The following ADGRB3 variants were observed in gnomAD, a reference collection of about 807,000 sequenced individuals.
ADGRB3 encodes adhesion G protein-coupled receptor B3.
In ADGRB3, 37 loss-of-function variants were observed where a neutral mutation model predicts 193.4. The observed-to-expected ratio is 0.19, with a 90% confidence interval of 0.15 to 0.25. The LOEUF (loss-of-function observed/expected upper bound fraction) is 0.25, where lower values mean the gene tolerates loss of function less well. Ranked by LOEUF, ADGRB3 falls within the 10% of genes least tolerant of loss-of-function variation. The pLI is 1.00. For synonymous variants in ADGRB3, 690 were observed against 644.2 expected, an observed-to-expected ratio of 1.07 and a Z score of -1.08; for missense variants, 1,637 against 1,852.9, an observed-to-expected ratio of 0.88 and a Z score of 2.14.
chr6:69,068,918 T>G (rs1771990720), intron 16 of ADGRB3, among the ~76,000 whole-genome samples: 1 of 152,124 alleles, frequency 6.6e-6, no homozygotes, highest in African/African-American at 2.4e-5. Context: ...GTAATTCTGC[T>G]TTAGCTAAAG....
chr6:69,005,732 C>T (rs1273986343), intron 11 of ADGRB3, among the ~76,000 whole-genome samples: 1 of 152,126 alleles, frequency 6.6e-6, no homozygotes, highest in East Asian at 1.9e-4. Context: ...CTCTGAATAC[C>T]ACTGTCAGGT....
At chr6:69,012,748 C>A (rs960794934) in intron 11 of ADGRB3, among the ~76,000 whole-genome samples, 7 of 152,064 alleles carry the variant, frequency 4.6e-5, no homozygotes, top group African/African-American at 1.7e-4. Flanking sequence ...TAGATACTAA[C>A]AGCTTCAAAC....
rs367545953 is a variant in ADGRB3, at chr6:69,361,164, C to G, written c.3891C>G (p.Val1297=). 2.3e-5 allele frequency: 37 copies of G among 1,612,590 alleles called. No homozygotes were observed. Among genetic ancestry groups the G allele is most frequent in the Middle Eastern group, 1.6e-4 (1 of 6,082 alleles). The change falls in exon 29 of 32, where the codon GTC becomes GTG. Residue 1297 remains valine, a synonymous_variant. Transcript: ENST00000370598. The part of the protein sequence containing the change: ...DNLRGADMDI[V]HPQERMMESD... Reference sequence around the variant, plus strand: ...TGAGAGGGGCTGACATGGACATAGTCCATCCTCAAGAAAGAATGATGGAAA... The same window carrying G: ...TGAGAGGGGCTGACATGGACATAGTGCATCCTCAAGAAAGAATGATGGAAA...
intron 20 of ADGRB3, among the ~76,000 whole-genome samples, chr6:69,264,786 G>GA (rs545623418): frequency 6.0e-4 from 90 of 150,058 alleles, no homozygotes; most frequent in African/African-American, 1.5e-3. Flanking sequence ...CAGTTACTGA[G>GA]AAAAAAAAAG....
At chr6:68,853,911 T>A (rs1166929140) in intron 3 of ADGRB3, among the ~76,000 whole-genome samples, 1 of 152,220 alleles carries the variant, frequency 6.6e-6, no homozygotes, top group African/African-American at 2.4e-5. Flanking sequence ...AAGGAAGCAC[T>A]AAAATCCTTA....
chr6:68,756,693 A>G (rs1214355827), intron 3 of ADGRB3, among the ~76,000 whole-genome samples: 1 of 152,060 alleles, frequency 6.6e-6, no homozygotes, highest in African/African-American at 2.4e-5. Context: ...ACAGCCTCCA[A>G]TGTTGGAGGA....
chr6:68,786,064 G>C (rs189949540), intron 3 of ADGRB3, among the ~76,000 whole-genome samples: 290 of 151,700 alleles, frequency 1.9e-3, no homozygotes, highest in Middle Eastern at 0.01. Flanking sequence ...CCCGTTGTCA[G>C]ATGAGTAGGT....
chr6:68,893,970 T>C (rs1037011834), intron 3 of ADGRB3, among the ~76,000 whole-genome samples: 2 of 151,966 alleles, frequency 1.3e-5, no homozygotes, highest in African/African-American at 2.4e-5. Context: ...GCATAGATGA[T>C]ATATGTATCA....
intron 11 of ADGRB3, among the ~76,000 whole-genome samples, chr6:69,011,795 A>G (rs1042058814): frequency 1.3e-5 from 2 of 152,096 alleles, no homozygotes; most frequent in Non-Finnish European, 2.9e-5. Flanking sequence ...TAGTCTCACC[A>G]TAAATGCTGC....
intron 17 of ADGRB3, among the ~76,000 whole-genome samples, chr6:69,170,741 A>G (rs757378820): frequency 5.9e-5 from 9 of 152,208 alleles, no homozygotes; most frequent in Non-Finnish European, 1.3e-4. Flanking sequence ...AAGGAATCAT[A>G]GTAAGTCTTT....
At chr6:68,956,303 G>GTT (rs1768069724) in intron 7 of ADGRB3, 115 bp downstream of exon 7, 1 of 355,356 alleles carries the variant, frequency 2.8e-6, no homozygotes, top group African/African-American at 3.1e-5. Flanking sequence ...ATATATATAT[G>GTT]TGTGTGTGTG....
At chr6:69,088,910 A>G (rs936867154) in intron 17 of ADGRB3, among the ~76,000 whole-genome samples, 1 of 152,238 alleles carries the variant, frequency 6.6e-6, no homozygotes, top group African/African-American at 2.4e-5. Flanking sequence ...AATTATTTTC[A>G]TAATTACTAC....
At chr6:68,790,970 A>G (rs577878361) in intron 3 of ADGRB3, among the ~76,000 whole-genome samples, 4 of 151,926 alleles carry the variant, frequency 2.6e-5, no homozygotes, top group African/African-American at 9.7e-5. Flanking sequence ...AATTTCAGCT[A>G]CTTGGGAGAC....
intron 3 of ADGRB3, among the ~76,000 whole-genome samples, chr6:68,730,094 ATTTTTATAT>A (rs1197286753): frequency 6.6e-6 from 1 of 151,686 alleles, no homozygotes; most frequent in East Asian, 1.9e-4. Context: ...GGTCTTACTC[ATTTTTATAT>A]TTCCAGTACA....
chr6:69,358,839 A>C (rs1769385584), intron 28 of ADGRB3, among the ~76,000 whole-genome samples: 1 of 151,906 alleles, frequency 6.6e-6, no homozygotes, highest in South Asian at 2.1e-4. Context: ...ATACATTTTA[A>C]GTAAGTCTAA....
chr6:69,030,410 T>C (rs1770607053), intron 13 of ADGRB3, among the ~76,000 whole-genome samples: 1 of 152,170 alleles, frequency 6.6e-6, no homozygotes, highest in Non-Finnish European at 1.5e-5. Context: ...GTGGCATATA[T>C]ACAACCATGG....
intron 14 of ADGRB3, 126 bp from the exon 15 acceptor site, chr6:69,049,145 C>A: frequency 1.5e-6 from 1 of 669,038 alleles, no homozygotes; most frequent in Non-Finnish European, 2.5e-6. Flanking sequence ...GAATGCATTT[C>A]TTTTTACCAG....
chr6:69,283,346 A>C (rs1767477359), intron 20 of ADGRB3, among the ~76,000 whole-genome samples: 1 of 152,126 alleles, frequency 6.6e-6, no homozygotes, highest in Admixed American at 6.6e-5. Context: ...GCCTGCAGAC[A>C]ATTTCATGCT....
At chr6:68,802,206 G>GTGTC (rs1004252450) in intron 3 of ADGRB3, among the ~76,000 whole-genome samples, 2 of 148,430 alleles carry the variant, frequency 1.3e-5, no homozygotes, top group African/African-American at 5.2e-5. Flanking sequence ...GTGTGTGTGT[G>GTGTC]TGTGTATGTG....
Sources: allele counts gnomAD v4.1 joint callset (sites outside exome capture counted in the v4.1 genomes callset), GRCh38; gene constraint gnomAD v4.1.1; transcripts MANE v1.5; gene names NCBI Gene and HGNC (gene_info 2026-07-23, HGNC 2026-07-21).